Variants in ADGRA3 observed in about 807,000 individuals in gnomAD.
ADGRA3 encodes G-protein coupled receptor 125.
In ADGRA3, 56 loss-of-function variants were observed where a neutral mutation model predicts 119.8. That is an observed-to-expected ratio of 0.47 (90% confidence interval 0.38 to 0.58). The LOEUF (loss-of-function observed/expected upper bound fraction) is 0.58, where lower values mean the gene tolerates loss of function less well. Among genes scored for constraint, ADGRA3 ranks in the 20% least tolerant of loss-of-function variants. The probability of loss-of-function intolerance (pLI) is 0.00; values close to 1 mark genes in which losing one functional copy is unlikely to be tolerated. For missense variants in ADGRA3, 1,516 were observed against 1,649.0 expected (o/e 0.92, Z 1.40); for synonymous variants, 607 against 623.8 (o/e 0.97, Z 0.40).
intron 10 of ADGRA3, among the ~76,000 whole-genome samples, chr4:22,430,560 C>G (rs1372058001): frequency 6.6e-6 from 1 of 152,020 alleles, no homozygotes; most frequent in East Asian, 1.9e-4. Context: ...AGCAGCAAAG[C>G]ATTCAAGAGG....
chr4:22,393,212 A>C (rs1414818501), intron 16 of ADGRA3: 1 of 152,276 alleles, frequency 6.6e-6, no homozygotes, highest in Non-Finnish European at 1.5e-5. Flanking sequence ...TTTTTAGTAG[A>C]GAGAGGGTTT....
intron 4 of ADGRA3, among the ~76,000 whole-genome samples, chr4:22,451,244 A>T (rs1269210160): frequency 6.6e-6 from 1 of 152,128 alleles, no homozygotes; most frequent in Non-Finnish European, 1.5e-5. Flanking sequence ...ACTCTTGAGG[A>T]AAAAATACAG....
At chr4:22,401,717 G>A (rs923911251) in intron 15 of ADGRA3, among the ~76,000 whole-genome samples, 163 bp from the exon 16 acceptor site, 19 of 151,042 alleles carry the variant, frequency 1.3e-4, no homozygotes, top group African/African-American at 3.4e-4. Context: ...ATACACACAC[G>A]CACAGATCTG....
intron 10 of ADGRA3, among the ~76,000 whole-genome samples, chr4:22,435,093 T>C (rs1705679792): frequency 6.6e-6 from 1 of 152,176 alleles, no homozygotes. Context: ...CTCTGGACCT[T>C]AACGTCCAAG....
In ADGRA3 at chr4:22,388,702, T is replaced by C; in HGVS notation, c.2969A>G (p.His990Arg). 6.2e-7 allele frequency: 1 copy of C among 1,613,884 alleles called. No homozygotes were observed. Among genetic ancestry groups the C allele is most frequent in the Non-Finnish European group, 8.5e-7 (1 of 1,179,930 alleles). The change falls in exon 19 of 19, where the codon CAC (histidine) becomes CGC (arginine). Residue 990 changes from histidine (H) to arginine (R), a missense_variant. By Grantham distance (29) the His-to-Arg change is conservative. This residue lies in a region of ADGRA3 where 1,088 missense variants were observed against 1,107.1 expected (regional missense o/e 0.98). Transcript: ENST00000334304. ...LISTSALENE[H>R]TFHSQLLGAS... ...CCCCAAGAGCTGAGAATGAAAAGTGTGCTCATTTTCCAAGGCTGATGTAGA... is the reference window on the plus strand; with the variant it reads ...CCCCAAGAGCTGAGAATGAAAAGTGCGCTCATTTTCCAAGGCTGATGTAGA...
chr4:22,475,988 A>G (rs1050241804), intron 1 of ADGRA3, among the ~76,000 whole-genome samples: 2 of 152,192 alleles, frequency 1.3e-5, no homozygotes, highest in African/African-American at 2.4e-5. Context: ...ATCCAAGTAT[A>G]TTACTGGATT....
intron 4 of ADGRA3, among the ~76,000 whole-genome samples, chr4:22,450,103 C>T (rs934371005): frequency 6.6e-6 from 1 of 152,050 alleles, no homozygotes; most frequent in African/African-American, 2.4e-5. Context: ...TACAACATTA[C>T]AATCGCAGTC....
intron 3 of ADGRA3, among the ~76,000 whole-genome samples, 188 bp downstream of exon 3, chr4:22,461,549 C>T (rs1006664410): frequency 1.3e-5 from 2 of 152,226 alleles, no homozygotes; most frequent in Non-Finnish European, 2.9e-5. Context: ...ATCCACCCGC[C>T]TCAGCCTCCC....
intron 1 of ADGRA3, among the ~76,000 whole-genome samples, chr4:22,487,004 G>C (rs566581047): frequency 6.6e-6 from 1 of 151,906 alleles, no homozygotes; most frequent in Non-Finnish European, 1.5e-5. Flanking sequence ...GATAGTGGAC[G>C]TTTTCATTAT....
intron 13 of ADGRA3, 100 bp downstream of exon 13, chr4:22,413,501 C>T: frequency 7.3e-7 from 1 of 1,367,134 alleles, no homozygotes; most frequent in Non-Finnish European, 1.0e-6. Context: ...ACTAGTGACT[C>T]ATTAAAACGA....
At chr4:22,450,419 C>A (rs934465202) in intron 4 of ADGRA3, among the ~76,000 whole-genome samples, 4 of 151,980 alleles carry the variant, frequency 2.6e-5, no homozygotes, top group Non-Finnish European at 4.4e-5. Context: ...GTACATGCCA[C>A]CAGGCCTGGC....
chr4:22,400,092 C>G (rs13132217), intron 16 of ADGRA3, among the ~76,000 whole-genome samples: 1 of 151,992 alleles, frequency 6.6e-6, no homozygotes. Flanking sequence ...ACTAGCAGTT[C>G]GTCTCTGCTA....
intron 1 of ADGRA3, among the ~76,000 whole-genome samples, chr4:22,490,925 C>G (rs970346250): frequency 6.6e-5 from 10 of 152,228 alleles, no homozygotes; most frequent in African/African-American, 2.4e-4. Context: ...AGCAGATCCT[C>G]TAGTCAGGTG....
chr4:22,488,688 G>A (rs1431787815), intron 1 of ADGRA3, among the ~76,000 whole-genome samples: 2 of 152,188 alleles, frequency 1.3e-5, no homozygotes, highest in Non-Finnish European at 2.9e-5. Flanking sequence ...GAAAGTAACA[G>A]TACAGAAATA....
At chr4:22,410,902 T>C (rs1715164106) in intron 14 of ADGRA3, among the ~76,000 whole-genome samples, 1 of 152,198 alleles carries the variant, frequency 6.6e-6, no homozygotes, top group African/African-American at 2.4e-5. Flanking sequence ...ATCTTAGTAC[T>C]ACAGTATTTT....
intron 12 of ADGRA3, among the ~76,000 whole-genome samples, chr4:22,416,304 G>A (rs754926211): frequency 3.3e-5 from 5 of 152,214 alleles, no homozygotes; most frequent in Non-Finnish European, 7.4e-5. Context: ...ACACGAATGA[G>A]AGGTAATAAA....
At chr4:22,484,685 G>A (rs1718372144) in intron 1 of ADGRA3, among the ~76,000 whole-genome samples, 1 of 151,780 alleles carries the variant, frequency 6.6e-6, no homozygotes, top group Non-Finnish European at 1.5e-5. Flanking sequence ...GATTCAGCAT[G>A]AGAAGGCTGG....
At chr4:22,479,466 TAA>T (rs60684476) in intron 1 of ADGRA3, among the ~76,000 whole-genome samples, 31 of 111,682 alleles carry the variant, frequency 2.8e-4, no homozygotes, top group Non-Finnish European at 2.9e-4. Context: ...CTGTCTCAAA[TAA>T]AAAAAAAAAA....
Position 22,401,528 on chromosome 4 carries a change from C to G in ADGRA3, c.2384G>C (p.Trp795Ser). The G allele has an allele frequency of 2.5e-6, 4 of 1,606,864 alleles. No homozygotes were observed. The highest frequency in any genetic ancestry group is 3.4e-6 in the Non-Finnish European group (4 of 1,175,486). Residue 795 changes from tryptophan (W) to serine (S), a missense_variant, in exon 16 of 19, where the codon TGG (tryptophan) becomes TCG (serine). Physicochemically the swap from Trp to Ser is radical, Grantham distance 177 (BLOSUM62 -3). This residue lies in a region of ADGRA3 where 1,088 missense variants were observed against 1,107.1 expected (regional missense o/e 0.98). Transcript: ENST00000334304. ...AAAGCACAAGTTCACAAGCATGTGC[C>G]AGCTCTTGAGGCTGATTCTAATCAA... ...HSLIRISLKS[W>S]HMLVNLCFHI...
Sources: gnomAD v4.1 joint callset for allele counts (sites outside exome capture counted in the v4.1 genomes callset) on GRCh38, gnomAD v4.1.1 for gene constraint, gnomAD v4.1.1 regional missense constraint, MANE v1.5 for transcripts, NCBI Gene and HGNC (gene_info 2026-07-23, HGNC 2026-07-21) for gene names.